The following RALYL variants were observed in gnomAD, a reference collection of about 807,000 sequenced individuals.
The protein encoded by RALYL is RNA-binding Raly-like protein.
RALYL carries 29 observed loss-of-function variants against 35.1 expected under a neutral mutation model. The observed-to-expected ratio is 0.83, with a 90% CI of 0.61 to 1.13. The LOEUF (loss-of-function observed/expected upper bound fraction) is 1.13, where lower values mean the gene tolerates loss of function less well. Ranked by LOEUF, RALYL falls within the 50% of genes most tolerant of loss-of-function variation. RALYL has a pLI of 0.00. For missense variants in RALYL, 359 were observed against 360.4 expected, an observed-to-expected ratio of 1.00 and a Z score of 0.03; for synonymous variants, 120 against 127.6, an observed-to-expected ratio of 0.94 and a Z score of 0.40.
chr8:84,634,084 A>G (rs1304519218), intron 2 of RALYL, among the ~76,000 whole-genome samples: 1 of 151,866 alleles, frequency 6.6e-6, no homozygotes, highest in Non-Finnish European at 1.5e-5. Flanking sequence ...CTAAGCATCA[A>G]CCTGACAGTG....
intron 2 of RALYL, among the ~76,000 whole-genome samples, chr8:84,594,122 G>A (rs147298462): frequency 2.0e-5 from 3 of 151,886 alleles, no homozygotes; most frequent in Non-Finnish European, 4.4e-5. Flanking sequence ...TCCTCATTCA[G>A]TTCATATTTC....
intron 4 of RALYL, among the ~76,000 whole-genome samples, chr8:84,837,377 GCAAGAT>G (rs1832238826): frequency 1.3e-5 from 2 of 152,056 alleles, no homozygotes; most frequent in South Asian, 4.1e-4. Context: ...GTTATTATTG[GCAAGAT>G]GTTTGCTAAG....
At chr8:84,523,611 C>A (rs968505658) in intron 1 of RALYL, among the ~76,000 whole-genome samples, 11 of 151,042 alleles carry the variant, frequency 7.3e-5, no homozygotes, top group Admixed American at 2.6e-4. Context: ...GTGTGCTGCA[C>A]CCACTAACTC....
At chr8:84,534,551 C>T (rs1189588110) in intron 2 of RALYL, among the ~76,000 whole-genome samples, 1 of 152,164 alleles carries the variant, frequency 6.6e-6, no homozygotes, top group South Asian at 2.1e-4. Context: ...AAAATGCTAA[C>T]ACTTCCATGG....
intron 1 of RALYL, among the ~76,000 whole-genome samples, chr8:84,478,082 G>T (rs1244820955): frequency 3.3e-5 from 5 of 152,016 alleles, no homozygotes; most frequent in Admixed American, 6.5e-5. Context: ...CTTCAAGCGT[G>T]AAGTCTCAGT....
chr8:84,904,167 T>A (rs1229616096), intron 8 of RALYL, among the ~76,000 whole-genome samples: 1 of 152,208 alleles, frequency 6.6e-6, no homozygotes, highest in Non-Finnish European at 1.5e-5. Flanking sequence ...AGTATTAAAT[T>A]CATTTTTACT....
At chr8:84,803,487 A>G (rs16913338) in intron 3 of RALYL, among the ~76,000 whole-genome samples, 2,013 of 152,308 alleles carry the variant, frequency 0.013, 47 homozygotes, top group African/African-American at 0.046. Context: ...AAGGCAATTA[A>G]TGTACCTACA....
intron 3 of RALYL, among the ~76,000 whole-genome samples, chr8:84,788,361 TG>T (rs1172768335): frequency 2.0e-5 from 3 of 152,196 alleles, no homozygotes; most frequent in African/African-American, 7.2e-5. Flanking sequence ...TCGAGAAAAC[TG>T]GCTACCCATA....
At chr8:84,654,254 T>A (rs1404385078) in intron 2 of RALYL, among the ~76,000 whole-genome samples, 1 of 136,568 alleles carries the variant, frequency 7.3e-6, no homozygotes, top group Non-Finnish European at 1.6e-5. Flanking sequence ...CCAACGTATA[T>A]GTATATCTCA....
At chr8:84,529,910 C>T (rs1041841645) in intron 2 of RALYL, among the ~76,000 whole-genome samples, 5 of 152,022 alleles carry the variant, frequency 3.3e-5, no homozygotes, top group Non-Finnish European at 7.4e-5. Flanking sequence ...CTATCCTATG[C>T]AAAAAATAAC....
At chr8:84,835,908 C>A (rs1034977437) in intron 4 of RALYL, among the ~76,000 whole-genome samples, 7 of 151,344 alleles carry the variant, frequency 4.6e-5, no homozygotes, top group African/African-American at 1.7e-4. Flanking sequence ...GAAATGCTGA[C>A]GGATTAAAAG....
chr8:84,855,760 CAAT>C (rs1836837825), intron 5 of RALYL, among the ~76,000 whole-genome samples: 1 of 152,028 alleles, frequency 6.6e-6, no homozygotes, highest in Non-Finnish European at 1.5e-5. Context: ...CCTCTTTTTT[CAAT>C]AATATTAGGA....
In RALYL at chr8:84,420,373, A is replaced by G. The variant is rs1235363858; in HGVS notation, c.-23-108926A>G. 4.5e-3 allele frequency among the ~76,000 whole-genome samples: 685 copies of G among 151,758 alleles called. 5 individuals are homozygous for G. Among genetic ancestry groups the G allele is most frequent in the African/African-American group, 0.015 (618 of 41,168 alleles). On this transcript the variant is annotated intron_variant, in intron 1 of 8. Coordinates refer to ENST00000521268, the MANE Select transcript of RALYL (RefSeq NM_173848.7). ...TGAGAAGTGTCTGTTCATGTCCTTC[A>G]CCCACTTTTTGATGGCGTTGTTTGT...
chr8:84,569,981 C>T (rs1005896567), intron 2 of RALYL, among the ~76,000 whole-genome samples: 2 of 151,634 alleles, frequency 1.3e-5, no homozygotes, highest in Non-Finnish European at 3.0e-5. Flanking sequence ...GCTTTTATAC[C>T]TACTGTAGCC....
chr8:84,829,004 T>G (rs541082264), intron 4 of RALYL: 28 of 151,968 alleles, frequency 1.8e-4, no homozygotes, highest in African/African-American at 6.3e-4. Context: ...CATACTGCTA[T>G]GAAGAAACAC....
chr8:84,532,111 C>T (rs186142346), intron 2 of RALYL, among the ~76,000 whole-genome samples: 6 of 152,108 alleles, frequency 3.9e-5, no homozygotes, highest in African/African-American at 9.6e-5. Context: ...GTTCAAATCT[C>T]GTCTTTCACT....
At chr8:84,403,532 T>A (rs879968880) in intron 1 of RALYL, among the ~76,000 whole-genome samples, 1 of 130,964 alleles carries the variant, frequency 7.6e-6, no homozygotes, top group African/African-American at 3.3e-5. Flanking sequence ...CTGTTTTTTT[T>A]TTTTTTTTTT....
rs1440503527 is a variant in RALYL at position 84,880,633 on chromosome 8, A to G, written c.686-6971A>G. Among the ~76,000 whole-genome samples, 3 of 151,946 alleles carry G rather than the reference A, an allele frequency of 2.0e-5. No homozygotes were observed. The East Asian group carries it at 5.8e-4, about 29-fold the overall frequency. On this transcript the variant is annotated intron_variant, in intron 7 of 8. Coordinates refer to ENST00000521268, the MANE Select transcript of RALYL (RefSeq NM_173848.7). ...ATCTCTCACATGTTCTGTTGCATTC[A>G]TCTTATTTTTTACACCAATTTATTG...
chr8:84,278,284 G>A (rs1351556340), intron 1 of RALYL, among the ~76,000 whole-genome samples: 3 of 152,226 alleles, frequency 2.0e-5, no homozygotes, highest in East Asian at 1.9e-4. Context: ...TTTAGCCACA[G>A]CTAGAGCTGA....
Sources: allele counts gnomAD v4.1 joint callset (sites outside exome capture counted in the v4.1 genomes callset), GRCh38; gene constraint gnomAD v4.1.1; transcripts MANE v1.5; gene names NCBI Gene and HGNC (gene_info 2026-07-23, HGNC 2026-07-21).